COL21A1: variants seen among roughly 807,000 people sequenced by gnomAD.
COL21A1 encodes the protein collagen type XXI alpha 1 chain.
Under a neutral mutation model 137.9 loss-of-function variants are expected in COL21A1, and 149 were observed. The observed-to-expected ratio is 1.08, with a 90% CI of 0.95 to 1.24. COL21A1 has a LOEUF of 1.24. COL21A1 is among the 50% of genes most tolerant of loss of function. COL21A1 has a pLI of 0.00. For synonymous variants in COL21A1, 456 were observed against 391.5 expected (o/e 1.16, Z -1.95); for missense variants, 1,167 against 1,158.4 (o/e 1.01, Z -0.11).
At chr6:56,133,773 G>A (rs1380360191) in intron 12 of COL21A1, among the ~76,000 whole-genome samples, 1 of 152,228 alleles carries the variant, frequency 6.6e-6, no homozygotes, top group African/African-American at 2.4e-5. Context: ...AAGGGACCAA[G>A]GTACAGCATG....
At chr6:56,313,212 A>G (rs1039448889) in intron 1 of COL21A1, among the ~76,000 whole-genome samples, 1 of 151,946 alleles carries the variant, frequency 6.6e-6, no homozygotes, top group Non-Finnish European at 1.5e-5. Flanking sequence ...TCATATATAC[A>G]CTGCACAAAA....
intron 1 of COL21A1, among the ~76,000 whole-genome samples, chr6:56,324,029 A>G (rs754911279): frequency 6.6e-6 from 1 of 152,136 alleles, no homozygotes; most frequent in African/African-American, 2.4e-5. Context: ...ATTATCTTAT[A>G]AAAATAATGG....
rs1386647188 is a variant in COL21A1, at chr6:56,061,691, T to C, written c.2173-10A>G. 1 of 1,558,584 alleles carries C rather than the reference T, an allele frequency of 6.4e-7. No homozygotes were observed. On this transcript the variant is annotated splice_polypyrimidine_tract_variant and intron_variant, in intron 24 of 29. Coordinates refer to ENST00000244728, the MANE Select transcript of COL21A1 (RefSeq NM_030820.4). ...GATGGCCTTGAATTCCCTTTGAAAA[T>C]TAATAGAAAAAATATAATAAATGTG...
At chr6:56,156,441 C>G (rs1041747262) in intron 10 of COL21A1, among the ~76,000 whole-genome samples, 1 of 152,154 alleles carries the variant, frequency 6.6e-6, no homozygotes, top group East Asian at 1.9e-4. Context: ...TAAAAAGCTA[C>G]TTGTCAATTT....
chr6:56,309,837 A>C (rs1225609467), intron 1 of COL21A1, among the ~76,000 whole-genome samples: 1 of 152,202 alleles, frequency 6.6e-6, no homozygotes, highest in Non-Finnish European at 1.5e-5. Flanking sequence ...AATATTGCCT[A>C]ACATATATTA....
At chr6:56,097,325 A>G (rs1255976105) in intron 17 of COL21A1, among the ~76,000 whole-genome samples, 3 of 152,080 alleles carry the variant, frequency 2.0e-5, no homozygotes, top group African/African-American at 7.2e-5. Flanking sequence ...TCATCTCAAT[A>G]ACGTCTACTA....
intron 17 of COL21A1, among the ~76,000 whole-genome samples, chr6:56,079,597 T>C (rs1436542986): frequency 6.6e-6 from 1 of 151,634 alleles, no homozygotes; most frequent in Non-Finnish European, 1.5e-5. Context: ...GATCTGACAC[T>C]CTTTTATCTG....
intron 3 of COL21A1, among the ~76,000 whole-genome samples, chr6:56,171,469 A>G (rs1561943893): frequency 1.3e-5 from 2 of 151,940 alleles, no homozygotes; most frequent in East Asian, 3.8e-4. Context: ...GAAAAGAAAA[A>G]CAATGGAACA....
intron 1 of COL21A1, among the ~76,000 whole-genome samples, chr6:56,184,194 C>A (rs2152284455): frequency 6.6e-6 from 1 of 152,152 alleles, no homozygotes; most frequent in East Asian, 1.9e-4. Flanking sequence ...TCAGCAAACC[C>A]CAAGCGAGAC....
Position 56,060,806 on chromosome 6 carries a change from G to T in COL21A1, c.2353-11C>A, listed in dbSNP as rs763881940. 3 of 1,603,376 alleles carry T rather than the reference G, an allele frequency of 1.9e-6. No individual in the cohort carries two copies. The highest frequency in any genetic ancestry group is 2.5e-6 in the Non-Finnish European group (3 of 1,177,108). On this transcript the variant is annotated splice_polypyrimidine_tract_variant and intron_variant, in intron 26 of 29. Coordinates refer to ENST00000244728, the MANE Select transcript of COL21A1 (RefSeq NM_030820.4). Reference sequence around the variant, plus strand: ...TGAAAACTCTCTTCCCTGCATCAAAGTGTTAGGGGTTATAACATGCACATA... The same window carrying T: ...TGAAAACTCTCTTCCCTGCATCAAATTGTTAGGGGTTATAACATGCACATA...
At chr6:56,199,479 A>G (rs772146440) in intron 1 of COL21A1, among the ~76,000 whole-genome samples, 1 of 152,146 alleles carries the variant, frequency 6.6e-6, no homozygotes, top group Non-Finnish European at 1.5e-5. Context: ...TTAACTAACT[A>G]TAACTTAAAG....
At chr6:56,328,855 G>A (rs1028237530) in intron 1 of COL21A1, among the ~76,000 whole-genome samples, 1 of 151,986 alleles carries the variant, frequency 6.6e-6, no homozygotes, top group African/African-American at 2.4e-5. Context: ...GGTCATTTTG[G>A]GGGTGCAGCT....
At chr6:56,170,321 G>A (rs1266298696) in intron 5 of COL21A1, among the ~76,000 whole-genome samples, 1 of 151,696 alleles carries the variant, frequency 6.6e-6, no homozygotes, top group Non-Finnish European at 1.5e-5. Context: ...TCTATTTTGA[G>A]GGAGAACTTA....
At chr6:56,331,902 G>A (rs6909274) in intron 1 of COL21A1, 105,892 of 151,392 alleles carry the variant, frequency 0.7, 37,342 homozygotes, top group East Asian at 0.9. Context: ...ATTGAACACT[G>A]CAATAAATCA....
intron 1 of COL21A1, among the ~76,000 whole-genome samples, chr6:56,206,361 C>A (rs1279754566): frequency 2.7e-5 from 4 of 148,780 alleles, no homozygotes; most frequent in African/African-American, 9.9e-5. Flanking sequence ...ATGAAACAGA[C>A]TTTAAATCAA....
intron 16 of COL21A1, 91 bp from the exon 17 acceptor site, chr6:56,101,616 A>C: frequency 1.1e-6 from 1 of 883,740 alleles, no homozygotes; most frequent in Non-Finnish European, 1.8e-6. Context: ...ATTAAAGAAC[A>C]TTAAATACAA....
At chr6:56,212,979 T>A (rs1325951748) in intron 1 of COL21A1, among the ~76,000 whole-genome samples, 1 of 152,230 alleles carries the variant, frequency 6.6e-6, no homozygotes, top group African/African-American at 2.4e-5. Flanking sequence ...TTTGCCTGAT[T>A]CTGCCATCAT....
At chr6:56,132,153 AAG>A (rs1300246674) in intron 12 of COL21A1, among the ~76,000 whole-genome samples, 3 of 151,410 alleles carry the variant, frequency 2.0e-5, no homozygotes, top group African/African-American at 7.2e-5. Flanking sequence ...ATAAAAACAA[AAG>A]AGATAAAAAA....
chr6:56,189,143 C>T (rs1052592822), intron 1 of COL21A1, among the ~76,000 whole-genome samples: 9 of 151,980 alleles, frequency 5.9e-5, no homozygotes, highest in African/African-American at 2.2e-4. Context: ...AAGTAGGCTT[C>T]AGAAGGTGGG....
Sources: allele counts gnomAD v4.1 joint callset (sites outside exome capture counted in the v4.1 genomes callset), GRCh38; gene constraint gnomAD v4.1.1; transcripts MANE v1.5; gene names NCBI Gene and HGNC (gene_info 2026-07-23, HGNC 2026-07-21).